The following MTMR9 variants were observed in gnomAD, a reference collection of about 807,000 sequenced individuals.
The protein encoded by MTMR9 is myotubularin related protein 9.
In MTMR9, 39 loss-of-function variants were observed where a neutral mutation model predicts 69.5. The ratio of observed to expected loss-of-function variants is 0.56; its 90% CI spans 0.43 to 0.73. The LOEUF (loss-of-function observed/expected upper bound fraction) is 0.73. Ranked by LOEUF, MTMR9 falls within the 30% of genes least tolerant of loss-of-function variation. The pLI is 0.00. For synonymous variants in MTMR9, 354 were observed against 240.8 expected, an observed-to-expected ratio of 1.47 and a Z score of -4.35; for missense variants, 900 against 671.2, an observed-to-expected ratio of 1.34 and a Z score of -3.77.
chr8:11,331,966 A>C (rs1383562063), downstream of MTMR9: 3 of 1,611,988 alleles, frequency 1.9e-6, no homozygotes, highest in Non-Finnish European at 1.7e-6. Context: ...GCTGTCCTGC[A>C]TTCCGAGGTG....
In MTMR9 at chr8:11,324,886, C is replaced by T. The variant is rs886852361; in HGVS notation, c.*2098C>T. 1 of 152,336 alleles carries T rather than the reference C, an allele frequency of 6.6e-6. No homozygotes were observed. The highest frequency in any genetic ancestry group is 2.4e-5 in the African/African-American group (1 of 41,446). 9.4% of individuals were successfully genotyped at this position (152,336 alleles called of 1,614,324 possible). A position where few individuals can be genotyped will look rare whatever the true frequency, so the allele number is the denominator to read the frequency against. ...TAAAGAAAAAGCCAGAAGTGACTCC[C>T]ACTGCTTCTGTTGATCGGCCATAGG... On this transcript the variant is annotated 3_prime_UTR_variant, in exon 10 of 10. Coordinates refer to ENST00000221086, the MANE Select transcript of MTMR9 (RefSeq NM_015458.4).
chr8:11,324,400 AC>A lies in MTMR9; in HGVS notation c.*1613del, dbSNP rs1197122684. On this transcript the variant is annotated 3_prime_UTR_variant, in exon 10 of 10. Coordinates refer to ENST00000221086, the MANE Select transcript of MTMR9 (RefSeq NM_015458.4). ...TTTAAGCTCAGTTTATTTTTGACTT[AC>A]TTTCTTTGCTGTAGTTATGAACCTT... The A allele has an allele frequency of 6.6e-6, 1 of 151,418 alleles. No homozygotes were observed. The highest frequency in any genetic ancestry group is 1.5e-5 in the Non-Finnish European group (1 of 67,962). The allele number at this position is 151,418 out of a possible 1,614,324, so 9.4% of individuals were successfully genotyped here. A position where few individuals can be genotyped will look rare whatever the true frequency, so the allele number is the denominator to read the frequency against.
At chr8:11,315,085 C>A in intron 7 of MTMR9, 21 bp downstream of exon 7, 1 of 1,606,352 alleles carries the variant, frequency 6.2e-7, no homozygotes, top group South Asian at 1.1e-5. Context: ...CTGTTTGATT[C>A]ACAGAGGAAC....
intron 1 of MTMR9, among the ~76,000 whole-genome samples, chr8:11,290,355 G>T (rs1799338088): frequency 6.6e-6 from 1 of 151,820 alleles, no homozygotes; most frequent in Non-Finnish European, 1.5e-5. Context: ...TGTATACTCT[G>T]TGGGTGTTCA....
chr8:11,290,922 A>G (rs528805422), intron 1 of MTMR9, among the ~76,000 whole-genome samples: 1 of 147,230 alleles, frequency 6.8e-6, no homozygotes, highest in South Asian at 2.1e-4. Context: ...TTTCCATGCA[A>G]TTTTGGAAAA....
chr8:11,307,935 T>G (rs1254912080), intron 5 of MTMR9, among the ~76,000 whole-genome samples: 1 of 152,226 alleles, frequency 6.6e-6, no homozygotes, highest in Non-Finnish European at 1.5e-5. Flanking sequence ...TCTTACATAT[T>G]TTGGATATTA....
At chr8:11,296,231 C>T (rs913963098) in intron 2 of MTMR9, among the ~76,000 whole-genome samples, 15 of 152,050 alleles carry the variant, frequency 9.9e-5, no homozygotes, top group African/African-American at 2.9e-4. Flanking sequence ...TTGTTTTCTA[C>T]GTTTTATAAA....
intron 3 of MTMR9, 57 bp downstream of exon 3, chr8:11,300,205 C>G (rs1446148775): frequency 1.3e-6 from 2 of 1,581,052 alleles, no homozygotes; most frequent in Non-Finnish European, 1.7e-6. Flanking sequence ...CCTTATTTGA[C>G]TTGTGAAAAT....
In MTMR9 at chr8:11,325,884, A is replaced by G. The variant is rs1435584626; in HGVS notation, c.*3096A>G. On this transcript the variant is annotated 3_prime_UTR_variant, in exon 10 of 10. Transcript: ENST00000221086. Reference sequence around the variant, plus strand: ...AGAAAACTTAGGGTCTCAAAGCAAGATTTTAAAGTGATTTTTGAGAAGACT... The same window carrying G: ...AGAAAACTTAGGGTCTCAAAGCAAGGTTTTAAAGTGATTTTTGAGAAGACT... The G allele has an allele frequency of 1.3e-5, 2 of 152,180 alleles. No homozygotes were observed. The highest frequency in any genetic ancestry group is 4.8e-5 in the African/African-American group (2 of 41,444). 9.4% of individuals were successfully genotyped at this position (152,180 alleles called of 1,614,324 possible). A position where few individuals can be genotyped will look rare whatever the true frequency, so the allele number is the denominator to read the frequency against.
chr8:11,312,879 C>G (rs971060689), intron 6 of MTMR9, among the ~76,000 whole-genome samples: 2 of 152,228 alleles, frequency 1.3e-5, no homozygotes, highest in Non-Finnish European at 2.9e-5. Flanking sequence ...CCATGTACCT[C>G]TCCATCAGAG....
At chr8:11,318,615 A>T (rs1297833593) in intron 8 of MTMR9, 1 of 152,230 alleles carries the variant, frequency 6.6e-6, no homozygotes, top group East Asian at 1.9e-4. Flanking sequence ...AATCTGTGTT[A>T]AAATGTATTT....
chr8:11,306,501 A>G, intron 5 of MTMR9, 94 bp downstream of exon 5: 1 of 1,145,604 alleles, frequency 8.7e-7, no homozygotes, highest in Non-Finnish European at 1.3e-6. Flanking sequence ...GCTCAAATTA[A>G]CTTCTGCATT....
intron 2 of MTMR9, among the ~76,000 whole-genome samples, chr8:11,297,531 GTT>G (rs58238612): frequency 2.8e-5 from 4 of 142,344 alleles, no homozygotes; most frequent in African/African-American, 5.1e-5. Flanking sequence ...GGGTTTTGTG[GTT>G]TTTTTTTTTT....
the MTMR9 span, among the ~76,000 whole-genome samples, chr8:11,338,213 G>A: frequency 3.3e-5 from 5 of 152,314 alleles, no homozygotes; most frequent in East Asian, 9.6e-4. Flanking sequence ...GAACTTCCTC[G>A]GCAGAGTATT....
chr8:11,308,248 C>T (rs1169111673), intron 5 of MTMR9, among the ~76,000 whole-genome samples: 6 of 152,160 alleles, frequency 3.9e-5, no homozygotes, highest in African/African-American at 1.4e-4. Flanking sequence ...TGAGTTTCTT[C>T]TGCATGTGCA....
rs1800800769 is a variant in MTMR9 at position 11,323,791 on chromosome 8, T to A, written c.*1003T>A. The A allele has an allele frequency of 6.6e-6, 1 of 152,248 alleles. No individual in the cohort carries two copies. Among genetic ancestry groups the A allele is most frequent in the South Asian group, 2.1e-4 (1 of 4,834 alleles). The allele number at this position is 152,248 out of a possible 1,614,324, so 9.4% of individuals were successfully genotyped here. On this transcript the variant is annotated 3_prime_UTR_variant, in exon 10 of 10. Transcript: ENST00000221086. ...TAAGGTTAAAATTTTCATGTTGACC[T>A]GAGCCTTTTGCAAATTTGCTTTGGC...
At chr8:11,314,568 A>C (rs1000536892) in intron 6 of MTMR9, among the ~76,000 whole-genome samples, 2 of 152,232 alleles carry the variant, frequency 1.3e-5, no homozygotes, top group Admixed American at 6.5e-5. Context: ...CGATTAAAGC[A>C]GAAAGGGTAA....
In MTMR9 at chr8:11,287,745, CTTATATATTTA is replaced by C. The variant is rs1175766826; in HGVS notation, c.182+2680_182+2690del. Among the ~76,000 whole-genome samples the C allele has an allele frequency of 3.2e-5, 4 of 124,424 alleles. No individual in the cohort carries two copies. In the Admixed American group the frequency reaches 3.5e-4, roughly 11 times the overall value. 81.6% of individuals were successfully genotyped at this position (124,424 alleles called of 152,430 possible). Reference sequence around the variant, plus strand: ...TATATTATATATTATATATTATTTTCTTATATATTTATTATTTATTTATTATATATTTATTA... The same window carrying C: ...TATATTATATATTATATATTATTTTCTTATTTATTTATTATATATTTATTA... On this transcript the variant is annotated intron_variant, in intron 1 of 9. Coordinates refer to ENST00000221086, the MANE Select transcript of MTMR9 (RefSeq NM_015458.4).
At chr8:11,299,128 G>A (rs1165158437) in intron 2 of MTMR9, among the ~76,000 whole-genome samples, 1 of 152,156 alleles carries the variant, frequency 6.6e-6, no homozygotes, top group East Asian at 1.9e-4. Flanking sequence ...AGGAGTTCAA[G>A]TCTGGCCTGG....
Sources: allele counts gnomAD v4.1 joint callset (sites outside exome capture counted in the v4.1 genomes callset), GRCh38; gene constraint gnomAD v4.1.1; transcripts MANE v1.5; gene names NCBI Gene and HGNC (gene_info 2026-07-23, HGNC 2026-07-21).